Variants in C8orf76 observed in about 807,000 individuals in gnomAD.
The protein encoded by C8orf76 is uncharacterized protein C8orf76.
In C8orf76, 46 loss-of-function variants were observed where a neutral mutation model predicts 38.1. The ratio of observed to expected loss-of-function variants is 1.21; its 90% CI spans 0.95 to 1.54. The LOEUF is 1.54. Ranked by LOEUF, C8orf76 falls within the 40% of genes most tolerant of loss-of-function variation. The pLI, the probability that C8orf76 is intolerant of heterozygous loss-of-function variation, is 0.00. For missense variants in C8orf76, 461 were observed against 441.6 expected (o/e 1.04, Z -0.39); for synonymous variants, 166 against 167.5 (o/e 0.99, Z 0.07).
At chr8:123,236,051 T>C (rs1825463419) in intron 3 of C8orf76, among the ~76,000 whole-genome samples, 1 of 152,172 alleles carries the variant, frequency 6.6e-6, no homozygotes, top group African/African-American at 2.4e-5. Context: ...CCCCAATTAG[T>C]AGAGAACAGA....
At chr8:123,226,024 A>G (rs990776429) in intron 5 of C8orf76, among the ~76,000 whole-genome samples, 1 of 152,218 alleles carries the variant, frequency 6.6e-6, no homozygotes, top group African/African-American at 2.4e-5. Flanking sequence ...GTAGAGCAGG[A>G]ATAAAATGGA....
chr8:123,222,673 A>G (rs1824920830), intron 5 of C8orf76, among the ~76,000 whole-genome samples: 1 of 152,256 alleles, frequency 6.6e-6, no homozygotes, highest in Non-Finnish European at 1.5e-5. Context: ...GGCATTTGAC[A>G]TGATACAAAT....
At chr8:123,230,075 C>T (rs1825195508) in intron 4 of C8orf76, among the ~76,000 whole-genome samples, 1 of 152,080 alleles carries the variant, frequency 6.6e-6, no homozygotes, top group Admixed American at 6.6e-5. Context: ...CTCAGTAAGC[C>T]TCACTGTTAA....
chr8:123,230,354 C>A (rs1357853195), intron 4 of C8orf76, among the ~76,000 whole-genome samples: 1 of 152,224 alleles, frequency 6.6e-6, no homozygotes, highest in Non-Finnish European at 1.5e-5. Context: ...TAGTAGATTT[C>A]TGTGGAATAT....
intron 5 of C8orf76, among the ~76,000 whole-genome samples, chr8:123,225,700 G>A (rs1168802200): frequency 1.3e-5 from 2 of 152,142 alleles, no homozygotes; most frequent in East Asian, 3.9e-4. Context: ...GCCGAGGTGG[G>A]TAGATTGCTT....
chr8:123,237,696 T>A (rs1417013973), intron 3 of C8orf76, 102 bp downstream of exon 3: 1 of 1,424,246 alleles, frequency 7.0e-7, no homozygotes, highest in Non-Finnish European at 9.2e-7. Flanking sequence ...TCCAAACCCA[T>A]AGATTTTGCT....
In C8orf76 at chr8:123,231,201, C is replaced by T. The variant is rs867770372; in HGVS notation, c.815+99G>A. 18 of 1,404,678 alleles carry T rather than the reference C, an allele frequency of 1.3e-5. 3 individuals are homozygous for T. The Middle Eastern group carries it at 3.6e-3, about 280-fold the overall frequency. The allele number at this position is 1,404,678 out of a possible 1,614,324, so 87.0% of individuals were successfully genotyped here. On this transcript the variant is annotated intron_variant, in intron 4 of 5. Transcript: ENST00000276704. ...ATAGGAAAATTTCAAAAATATATAC[C>T]AAATGTCTAGCCTAGAACTTTTTGA...
rs1176982491 is a variant in C8orf76 at position 123,237,200 on chromosome 8, C to A, written c.357+598G>T. On this transcript the variant is annotated intron_variant, in intron 3 of 5. Coordinates refer to ENST00000276704, the MANE Select transcript of C8orf76 (RefSeq NM_032847.3). The stretch of plus-strand genomic sequence containing the variant: ...CGCGGCCACACCAACAACCTGTACC[C>A]CAAGACGAAGGACAAAGAAGGCTCT... 39 of 664,164 alleles carry A rather than the reference C, an allele frequency of 5.9e-5. No homozygotes were observed. In the East Asian group the frequency reaches 1.0e-3, roughly 18 times the overall value. 41.1% of individuals were successfully genotyped at this position (664,164 alleles called of 1,614,324 possible).
chr8:123,238,886 A>G, intron 2 of C8orf76, 163 bp downstream of exon 2: 1 of 636,366 alleles, frequency 1.6e-6, no homozygotes, highest in South Asian at 2.0e-5. Flanking sequence ...TACAGAGCCA[A>G]GCAGAAAAGA....
rs555027870 is a variant in C8orf76, at chr8:123,235,060, A to G, written c.357+2738T>C. The stretch of plus-strand genomic sequence containing the variant: ...ACGATATATTGTTTGTCTCCTTAGC[A>G]TCGAACCCAGAACCAGGAAAATAGT... On this transcript the variant is annotated intron_variant, in intron 3 of 5. Transcript: ENST00000276704. Among the ~76,000 whole-genome samples, 3 of 152,326 alleles carry G rather than the reference A, an allele frequency of 2.0e-5. No individual in the cohort carries two copies. The South Asian group carries it at 6.2e-4, about 32-fold the overall frequency.
In C8orf76 at chr8:123,226,581, C is replaced by T. The variant is rs1216289054; in HGVS notation, c.867G>A (p.Arg289=). 6.2e-7 allele frequency: 1 copy of T among 1,612,628 alleles called. No homozygotes were observed. The highest frequency in any genetic ancestry group is 8.5e-7 in the Non-Finnish European group (1 of 1,179,746). ...CAATTTCCTGCTGAGTCCTTAAGTTCCTCTCCAAAGCAAACGATGTTTGCT... is the reference window on the plus strand; with the variant it reads ...CAATTTCCTGCTGAGTCCTTAAGTTTCTCTCCAAAGCAAACGATGTTTGCT... ...QPQQTSFALE[R]NLRTQQEIED... Residue 289 remains arginine, a synonymous_variant, in exon 5 of 6, where the codon AGG becomes AGA. Coordinates refer to ENST00000276704, the MANE Select transcript of C8orf76 (RefSeq NM_032847.3).
rs779047019 is a variant in C8orf76 at position 123,231,657 on chromosome 8, A to C, written c.458T>G (p.Leu153Arg). The change falls in exon 4 of 6, where the codon CTG becomes CGG. Residue 153 changes from leucine (L) to arginine (R), a missense_variant. Physicochemically the swap from Leu to Arg is moderately radical, Grantham distance 102. Transcript: ENST00000276704. ...LQNLEKTIFC[L>R]QKLISLHPFN... ...AGGATGCAAAGAAATCAGTTTCTGC[A>C]GGCAGAAAATTGTTTTCTCCAAGTT... 2 of 1,614,202 alleles carry C rather than the reference A, an allele frequency of 1.2e-6. No homozygotes were observed. Among genetic ancestry groups the C allele is most frequent in the South Asian group, 1.1e-5 (1 of 91,084 alleles).
chr8:123,220,348 T>A lies in C8orf76; in HGVS notation c.949-51A>T, dbSNP rs767427690. 8 of 1,385,046 alleles carry A rather than the reference T, an allele frequency of 5.8e-6. 1 individual carries two copies. In the Admixed American group the frequency reaches 2.2e-4, roughly 38 times the overall value. The allele number at this position is 1,385,046 out of a possible 1,614,324, so 85.8% of individuals were successfully genotyped here. A position where few individuals can be genotyped will look rare whatever the true frequency, so the allele number is the denominator to read the frequency against. On this transcript the variant is annotated intron_variant, in intron 5 of 5. Transcript: ENST00000276704. Reference sequence around the variant, plus strand: ...TGTCCCAATAAAAGAGGCAGAGACATGGAATGCTAGTTATCAACTGCGAAG... The same window carrying A: ...TGTCCCAATAAAAGAGGCAGAGACAAGGAATGCTAGTTATCAACTGCGAAG...
rs138956285 is a variant in C8orf76, at chr8:123,231,420, C to T, written c.695G>A (p.Ser232Asn). ...TTTCTCATTTTTCTGGCTATTACTG[C>T]TATTCGCTTCCACAGAAAATAAAGA... ...ESSLFSVEAN[S>N]SNSQKNEKAL... The change falls in exon 4 of 6, where the codon AGC becomes AAC. Residue 232 changes from serine to asparagine, a missense_variant. Coordinates refer to ENST00000276704, the MANE Select transcript of C8orf76 (RefSeq NM_032847.3). The T allele has an allele frequency of 5.0e-6, 8 of 1,614,212 alleles. No individual in the cohort carries two copies. Among genetic ancestry groups the T allele is most frequent in the Non-Finnish European group, 5.1e-6 (6 of 1,180,048 alleles).
At chr8:123,229,033 T>G (rs1479945617) in intron 4 of C8orf76, among the ~76,000 whole-genome samples, 1 of 152,244 alleles carries the variant, frequency 6.6e-6, no homozygotes, top group Non-Finnish European at 1.5e-5. Flanking sequence ...AAAGTCCTAC[T>G]TCCTACTTCC....
intron 5 of C8orf76, chr8:123,226,249 A>C: frequency 7.4e-7 from 1 of 1,342,698 alleles, no homozygotes; most frequent in South Asian, 1.9e-5. Context: ...GGCATTGATG[A>C]TGTTCAGGCA....
intron 3 of C8orf76, among the ~76,000 whole-genome samples, chr8:123,234,094 A>G (rs116193286): frequency 0.013 from 1,926 of 152,222 alleles, 40 homozygotes; most frequent in African/African-American, 0.044. Flanking sequence ...CTCTTTCTGT[A>G]ACAATAACAT....
rs780653353 is a variant in C8orf76, at chr8:123,220,070, C to A, written c.*33G>T. On this transcript the variant is annotated 3_prime_UTR_variant, in exon 6 of 6. Coordinates refer to ENST00000276704, the MANE Select transcript of C8orf76 (RefSeq NM_032847.3). Reference sequence around the variant, plus strand: ...GTAAACAAGGACAATTAATACAGTACAAGATATTTGTGGTTTTGTTTTTTA... The same window carrying A: ...GTAAACAAGGACAATTAATACAGTAAAAGATATTTGTGGTTTTGTTTTTTA... 7.5e-7 allele frequency: 1 copy of A among 1,333,786 alleles called. No homozygotes were observed. Among genetic ancestry groups the A allele is most frequent in the South Asian group, 1.3e-5 (1 of 78,308 alleles). 82.6% of individuals were successfully genotyped at this position (1,333,786 alleles called of 1,614,324 possible).
chr8:123,234,780 AACAAAAAC>A (rs1825400407), intron 3 of C8orf76, among the ~76,000 whole-genome samples: 1 of 150,644 alleles, frequency 6.6e-6, no homozygotes, highest in South Asian at 2.1e-4. Flanking sequence ...AAAACAAAAA[AACAAAAAC>A]AAAAACAAAA....
Sources: gnomAD v4.1 joint callset for allele counts (sites outside exome capture counted in the v4.1 genomes callset) on GRCh38, gnomAD v4.1.1 for gene constraint, MANE v1.5 for transcripts, NCBI Gene and HGNC (gene_info 2026-07-23, HGNC 2026-07-21) for gene names.